The following DOCK1 variants were observed in gnomAD, a reference collection of about 807,000 sequenced individuals.
The protein encoded by DOCK1 is dedicator of cytokinesis 1.
Under a neutral mutation model 262.7 loss-of-function variants are expected in DOCK1, and 138 were observed. The ratio of observed to expected loss-of-function variants is 0.53; its 90% CI spans 0.46 to 0.61. The LOEUF (loss-of-function observed/expected upper bound fraction) is 0.61. DOCK1 is among the 20% of genes least tolerant of loss of function. DOCK1 has a pLI of 0.00. For missense variants in DOCK1, 1,908 were observed against 2,370.7 expected, an observed-to-expected ratio of 0.80 and a Z score of 4.05; for synonymous variants, 866 against 867.4, an observed-to-expected ratio of 1.00 and a Z score of 0.03.
intron 21 of DOCK1, among the ~76,000 whole-genome samples, chr10:127,049,968 C>CTTTTTTTTTTTTTTTTTTTTTTT (rs71941085): frequency 2.0e-5 from 2 of 100,074 alleles, no homozygotes; most frequent in Non-Finnish European, 1.9e-5. Context: ...AAACTGGCCT[C>CTTTTTTTTTTTTTTTTTTTTTTT]TTTTTTTTTT....
intron 1 of DOCK1, among the ~76,000 whole-genome samples, chr10:126,963,640 C>CCTTCCTTCCT (rs2037434249): frequency 1.7e-4 from 11 of 65,136 alleles, no homozygotes; most frequent in African/African-American, 6.6e-4. Flanking sequence ...CTTCCCTTCC[C>CCTTCCTTCCT]TCCTTCCTTC....
intron 27 of DOCK1, among the ~76,000 whole-genome samples, chr10:127,141,902 C>T (rs2051296740): frequency 1.3e-5 from 2 of 152,180 alleles, no homozygotes; most frequent in Admixed American, 1.3e-4. Context: ...GATCCTGAAA[C>T]ATTTTCTGCA....
At chr10:127,435,438 T>G (rs1222477032) in intron 48 of DOCK1, among the ~76,000 whole-genome samples, 1 of 152,170 alleles carries the variant, frequency 6.6e-6, no homozygotes, top group Non-Finnish European at 1.5e-5. Context: ...TATCCCCATA[T>G]TTTTTCTTAA....
intron 27 of DOCK1, among the ~76,000 whole-genome samples, chr10:127,179,106 C>T (rs918669053): frequency 6.6e-6 from 1 of 152,176 alleles, no homozygotes; most frequent in African/African-American, 2.4e-5. Flanking sequence ...TCAGCCTTTT[C>T]CCTGCTACTT....
At chr10:126,924,938 T>C (rs2033567462) in intron 1 of DOCK1, among the ~76,000 whole-genome samples, 1 of 152,260 alleles carries the variant, frequency 6.6e-6, no homozygotes. Flanking sequence ...TTGTACAAAC[T>C]CAGTATTTGA....
At chr10:127,155,747 C>T (rs1043782872) in intron 27 of DOCK1, among the ~76,000 whole-genome samples, 4 of 152,178 alleles carry the variant, frequency 2.6e-5, no homozygotes, top group African/African-American at 9.7e-5. Flanking sequence ...TCTCTCTTGC[C>T]CTATATAGAC....
intron 46 of DOCK1, among the ~76,000 whole-genome samples, chr10:127,425,043 C>A (rs1201903226): frequency 1.3e-5 from 2 of 150,926 alleles, no homozygotes; most frequent in African/African-American, 4.8e-5. Context: ...ATCGTTCATA[C>A]TAATAAATCT....
At position 127,214,082 on chromosome 10, in the gene DOCK1, T is replaced by G. The variant is rs142833001; in HGVS notation, c.2848-33926T>G. Among the ~76,000 whole-genome samples the G allele has an allele frequency of 4.1e-3, 619 of 152,286 alleles. 7 individuals are homozygous for G. Among genetic ancestry groups the G allele is most frequent in the African/African-American group, 0.014 (584 of 41,562 alleles). ...CAGGATGGTCTCAATCACCTGACCT[T>G]GTGATCCACTCGCCTCGGCGTCCCA... On this transcript the variant is annotated intron_variant, in intron 27 of 51. Coordinates refer to ENST00000623213, the MANE Select transcript of DOCK1 (RefSeq NM_001290223.2).
At chr10:126,972,145 A>G (rs139058367) in intron 2 of DOCK1, among the ~76,000 whole-genome samples, 2,191 of 151,920 alleles carry the variant, frequency 0.014, 50 homozygotes, top group African/African-American at 0.05. Flanking sequence ...TGAACTCCCA[A>G]CCTCAGGTGA....
intron 6 of DOCK1, 99 bp from the exon 7 acceptor site, chr10:126,996,649 G>T: frequency 8.0e-7 from 1 of 1,256,606 alleles, no homozygotes. Context: ...GAGTTTCTAG[G>T]TTGTTTTTAC....
At chr10:127,203,811 A>T (rs2057585117) in intron 27 of DOCK1, among the ~76,000 whole-genome samples, 1 of 152,134 alleles carries the variant, frequency 6.6e-6, no homozygotes, top group Non-Finnish European at 1.5e-5. Flanking sequence ...TGCACCCCTC[A>T]CTTCGGGGTT....
chr10:127,244,917 A>C, intron 27 of DOCK1, among the ~76,000 whole-genome samples: 1 of 152,234 alleles, frequency 6.6e-6, no homozygotes. Flanking sequence ...TCCCAAATGC[A>C]TTTAAAATAA....
intron 11 of DOCK1, among the ~76,000 whole-genome samples, chr10:127,009,184 AAAAAC>A (rs1244458935): frequency 1.3e-5 from 2 of 152,248 alleles, no homozygotes; most frequent in Non-Finnish European, 2.9e-5. Flanking sequence ...TTTAAAATAA[AAAAAC>A]AAACAATTAT....
intron 1 of DOCK1, among the ~76,000 whole-genome samples, chr10:126,938,788 AGCGGG>A (rs2034735908): frequency 4.3e-5 from 2 of 46,922 alleles, no homozygotes; most frequent in Non-Finnish European, 5.4e-5. Context: ...GATGAACACC[AGCGGG>A]GATGAGCACC....
chr10:127,335,377 C>G (rs1294112353), intron 29 of DOCK1, among the ~76,000 whole-genome samples: 4 of 152,178 alleles, frequency 2.6e-5, no homozygotes. Context: ...TGGAGCCCCT[C>G]ATTTCATTTG....
At chr10:127,088,029 CT>C (rs1256888287) in intron 23 of DOCK1, among the ~76,000 whole-genome samples, 1 of 152,186 alleles carries the variant, frequency 6.6e-6, no homozygotes, top group Admixed American at 6.5e-5. Flanking sequence ...CTGATTTGCT[CT>C]AAATCATCTT....
At chr10:126,929,953 A>T (rs1290931308) in intron 1 of DOCK1, among the ~76,000 whole-genome samples, 4 of 152,186 alleles carry the variant, frequency 2.6e-5, no homozygotes, top group African/African-American at 9.7e-5. Context: ...GTACCCATTT[A>T]GCAGTTTCTT....
intron 25 of DOCK1, among the ~76,000 whole-genome samples, chr10:127,112,087 C>T (rs1444186719): frequency 3.3e-5 from 5 of 151,916 alleles, no homozygotes; most frequent in Non-Finnish European, 7.4e-5. Context: ...TCTCAGCTCC[C>T]TGCAACCTCC....
chr10:127,026,538 A>C (rs2135482777), intron 16 of DOCK1, 114 bp downstream of exon 16: 85 of 923,696 alleles, frequency 9.2e-5, no homozygotes, highest in Middle Eastern at 2.1e-4. Context: ...AATAAGGCTC[A>C]TTTCCCACCG....
Sources: allele counts gnomAD v4.1 joint callset (sites outside exome capture counted in the v4.1 genomes callset), GRCh38; gene constraint gnomAD v4.1.1; transcripts MANE v1.5; gene names NCBI Gene and HGNC (gene_info 2026-07-23, HGNC 2026-07-21).